Variants in CDH23 observed in about 807,000 individuals in gnomAD.
CDH23 encodes the protein cadherin related 23.
Under a neutral mutation model 317.1 loss-of-function variants are expected in CDH23, and 189 were observed. The ratio of observed to expected loss-of-function variants is 0.60; its 90% CI spans 0.53 to 0.67. The LOEUF (loss-of-function observed/expected upper bound fraction) is 0.67, where lower values mean the gene tolerates loss of function less well. Among genes scored for constraint, CDH23 ranks in the 30% least tolerant of loss-of-function variants. The pLI, the probability that CDH23 is intolerant of heterozygous loss-of-function variation, is 0.00. For synonymous variants in CDH23, 1,839 were observed against 1,876.8 expected (o/e 0.98, Z 0.52); for missense variants, 4,401 against 4,592.4 (o/e 0.96, Z 1.20).
intron 68 of CDH23, 54 bp from the exon 69 acceptor site, chr10:71,813,190 G>C: frequency 6.7e-7 from 1 of 1,493,092 alleles, no homozygotes; most frequent in South Asian, 1.2e-5. Context: ...GTGGGCGAGG[G>C]GCGGGGCAGG....
chr10:71,455,437 A>G (rs1389954848), intron 3 of CDH23, among the ~76,000 whole-genome samples: 2 of 152,164 alleles, frequency 1.3e-5, no homozygotes, highest in African/African-American at 4.8e-5. Context: ...CTTGCCCAGA[A>G]GTCTAGGATA....
chr10:71,727,392 C>A (rs1179944493), intron 30 of CDH23, among the ~76,000 whole-genome samples: 2 of 152,228 alleles, frequency 1.3e-5, no homozygotes, highest in African/African-American at 4.8e-5. Context: ...GAGGGCTGGC[C>A]CCTGGGGCAG....
At chr10:71,793,719 T>C (rs1841329032) in intron 48 of CDH23, 79 bp downstream of exon 48, 1 of 1,083,474 alleles carries the variant, frequency 9.2e-7, no homozygotes. Flanking sequence ...CCCTTCTTTC[T>C]CCTTTCTCTT....
intron 11 of CDH23, among the ~76,000 whole-genome samples, chr10:71,641,906 C>T (rs866704327): frequency 2.6e-5 from 4 of 152,166 alleles, no homozygotes; most frequent in East Asian, 3.9e-4. Context: ...GGCGAAAACC[C>T]GTCTCTACCA....
chr10:71,433,062 C>T (rs112724645), intron 1 of CDH23, among the ~76,000 whole-genome samples: 29 of 152,254 alleles, frequency 1.9e-4, no homozygotes, highest in African/African-American at 6.7e-4. Flanking sequence ...CCACTGATGT[C>T]AACACGTTGA....
intron 6 of CDH23, among the ~76,000 whole-genome samples, chr10:71,526,749 G>A (rs1855062660): frequency 6.6e-6 from 1 of 152,176 alleles, no homozygotes; most frequent in Non-Finnish European, 1.5e-5. Context: ...CGTCACTCGG[G>A]TGCTTTTTAT....
intron 9 of CDH23, among the ~76,000 whole-genome samples, chr10:71,605,173 T>A (rs1860456623): frequency 6.6e-6 from 1 of 152,148 alleles, no homozygotes; most frequent in Non-Finnish European, 1.5e-5. Context: ...ATTCACAGTG[T>A]TGTACAACTG....
Position 71,751,831 on chromosome 10 carries a change from A to C in CDH23, c.4845+9910A>C, listed in dbSNP as rs2132865144. ...TCCCCTGGGCAGGTGGTGAGGCTTC[A>C]AAGCCGGGGTTTTCAATCCCTTGAA... On this transcript the variant is annotated intron_variant, in intron 38 of 69. Coordinates refer to ENST00000224721, the MANE Select transcript of CDH23 (RefSeq NM_022124.6). The surrounding 1 kb of genome is among the most constrained non-coding windows in gnomAD (Gnocchi z 4.9). 3 of 1,567,404 alleles carry C rather than the reference A, an allele frequency of 1.9e-6. No homozygotes were observed. The highest frequency in any genetic ancestry group is 2.6e-6 in the Non-Finnish European group (3 of 1,156,802).
rs1158593304 is a variant in CDH23, at chr10:71,792,820, TAAAAAAA to T, written c.6254-335_6254-329del. ...CTAGGTGACAGTGTAAGACTCCATCTAAAAAAAAAAAAAAAAAAAAAAAAAAAAAAAA... is the reference window on the plus strand; with the variant it reads ...CTAGGTGACAGTGTAAGACTCCATCTAAAAAAAAAAAAAAAAAAAAAAAAA... On this transcript the variant is annotated intron_variant, in intron 47 of 69. Transcript: ENST00000224721. Among the ~76,000 whole-genome samples, 325 of 47,644 alleles carry T rather than the reference TAAAAAAA, an allele frequency of 6.8e-3. 1 individual carries two copies. Among genetic ancestry groups the T allele is most frequent in the East Asian group, 0.055 (69 of 1,258 alleles). 31.3% of individuals were successfully genotyped at this position (47,644 alleles called of 152,430 possible).
At chr10:71,458,410 C>T (rs779635412) in intron 3 of CDH23, among the ~76,000 whole-genome samples, 7 of 152,226 alleles carry the variant, frequency 4.6e-5, no homozygotes, top group Non-Finnish European at 7.3e-5. Flanking sequence ...CACTTATTAG[C>T]GTGTGACCAC....
intron 11 of CDH23, among the ~76,000 whole-genome samples, chr10:71,626,558 C>A (rs1861745296): frequency 6.6e-6 from 1 of 152,170 alleles, no homozygotes; most frequent in African/African-American, 2.4e-5. Flanking sequence ...TCTTGCCACC[C>A]CAGAGAGTGG....
rs527993598 is a variant in CDH23, at chr10:71,574,409, C to T, written c.753+3491C>T. ...ATAAACTGCACAAATTACTGCCAGC[C>T]GATGCCTATCAGCCTTTCGACTGGA... On this transcript the variant is annotated intron_variant, in intron 8 of 69. Transcript: ENST00000224721. 1.4e-3 allele frequency among the ~76,000 whole-genome samples: 219 copies of T among 152,264 alleles called. 1 individual carries two copies. The highest frequency in any genetic ancestry group is 4.9e-3 in the Admixed American group (75 of 15,304).
At chr10:71,540,706 A>G (rs1589184362) in intron 6 of CDH23, among the ~76,000 whole-genome samples, 2 of 152,150 alleles carry the variant, frequency 1.3e-5, no homozygotes, top group East Asian at 1.9e-4. Flanking sequence ...CAGCTGAGAA[A>G]TTCCCCAGCA....
chr10:71,469,360 A>T lies in CDH23; in HGVS notation c.145+22965A>T, dbSNP rs138557678. 6.4e-3 allele frequency among the ~76,000 whole-genome samples: 980 copies of T among 152,244 alleles called. 14 individuals carry two copies. The highest frequency in any genetic ancestry group is 0.022 in the African/African-American group (931 of 41,522). On this transcript the variant is annotated intron_variant, in intron 3 of 69. Coordinates refer to ENST00000224721, the MANE Select transcript of CDH23 (RefSeq NM_022124.6). ...TCCCTGTCACTATATGTTAGTTTGC[A>T]TTCTCCAGAACTTTACGTACATGGA...
At chr10:71,798,736 G>A (rs1841475484) in intron 50 of CDH23, among the ~76,000 whole-genome samples, 158 bp downstream of exon 50, 1 of 152,196 alleles carries the variant, frequency 6.6e-6, no homozygotes, top group Non-Finnish European at 1.5e-5. Context: ...CAAACCAGGG[G>A]AAGGGACAGA....
At position 71,751,203 on chromosome 10, in the gene CDH23, A is replaced by C. The variant is rs772812000; in HGVS notation, c.4845+9282A>C. The C allele has an allele frequency of 1.9e-6, 3 of 1,582,820 alleles. No individual in the cohort carries two copies. Reference sequence around the variant, plus strand: ...ACTCACAGAGCCAGCCCTGGCTCAAATGCACCTGCCCCAGACCCAGCCACA... The same window carrying C: ...ACTCACAGAGCCAGCCCTGGCTCAACTGCACCTGCCCCAGACCCAGCCACA... On this transcript the variant is annotated intron_variant, in intron 38 of 69. Coordinates refer to ENST00000224721, the MANE Select transcript of CDH23 (RefSeq NM_022124.6). The surrounding 1 kb of genome is among the most constrained non-coding windows in gnomAD (Gnocchi z 4.9).
At position 71,576,338 on chromosome 10, in the gene CDH23, G is replaced by A. The variant is rs193116678; in HGVS notation, c.754-1576G>A. Among the ~76,000 whole-genome samples the A allele has an allele frequency of 2.0e-3, 312 of 152,308 alleles. 1 individual carries two copies. The highest frequency in any genetic ancestry group is 7.2e-3 in the African/African-American group (300 of 41,558). The stretch of plus-strand genomic sequence containing the variant: ...TTATCCTAGCAAGCCAGGAGAGCAC[G>A]GAGCAACTGCTGTGAAGGGATACAA... On this transcript the variant is annotated intron_variant, in intron 8 of 69. Transcript: ENST00000224721.
chr10:71,640,885 CCCAGG>C (rs1488751291), intron 11 of CDH23, among the ~76,000 whole-genome samples: 1 of 152,234 alleles, frequency 6.6e-6, no homozygotes, highest in African/African-American at 2.4e-5. Flanking sequence ...ATGCTGTGGT[CCCAGG>C]ACCACACTTG....
chr10:71,494,110 T>C (rs1852822267), intron 3 of CDH23, among the ~76,000 whole-genome samples: 1 of 152,160 alleles, frequency 6.6e-6, no homozygotes, highest in Non-Finnish European at 1.5e-5. Flanking sequence ...TGCTTCCTAT[T>C]ATTGTCCATG....
Sources: gnomAD v4.1 joint callset for allele counts (sites outside exome capture counted in the v4.1 genomes callset) on GRCh38, gnomAD v4.1.1 for gene constraint, Gnocchi (gnomAD v3.1) non-coding constraint, MANE v1.5 for transcripts, NCBI Gene and HGNC (gene_info 2026-07-23, HGNC 2026-07-21) for gene names.